PTK2: variants seen among roughly 807,000 people sequenced by gnomAD.
The protein encoded by PTK2 is focal adhesion kinase 1.
PTK2 carries 45 observed loss-of-function variants against 150.1 expected under a neutral mutation model. The observed-to-expected ratio is 0.30, with a 90% CI of 0.24 to 0.38. The LOEUF (loss-of-function observed/expected upper bound fraction) is 0.38, where lower values mean the gene tolerates loss of function less well. Among genes scored for constraint, PTK2 ranks in the 10% least tolerant of loss-of-function variants. The pLI, the probability that PTK2 is intolerant of heterozygous loss-of-function variation, is 1.00. For missense variants in PTK2, 919 were observed against 1,307.3 expected (o/e 0.70, Z 4.58); for synonymous variants, 432 against 449.2 (o/e 0.96, Z 0.48).
intron 14 of PTK2, among the ~76,000 whole-genome samples, chr8:140,770,400 C>G (rs1408134858): frequency 6.6e-6 from 1 of 152,134 alleles, no homozygotes. Context: ...AAAGTGTGAT[C>G]CTGCTGACCT....
At chr8:140,739,221 A>T (rs976385941) in intron 20 of PTK2, 114 bp from the exon 24 acceptor site, 6 of 586,194 alleles carry the variant, frequency 1.0e-5, no homozygotes, top group Non-Finnish European at 1.6e-5. Context: ...TGAACCCTTG[A>T]GGCTTCCATT....
intron 22 of PTK2, among the ~76,000 whole-genome samples, chr8:140,726,350 G>C (rs1157183145): frequency 6.6e-6 from 1 of 152,088 alleles, no homozygotes; most frequent in Non-Finnish European, 1.5e-5. Flanking sequence ...TGTATCTGAA[G>C]AAACAATGAT....
At chr8:140,686,769 C>T in intron 26 of PTK2, 75 bp from the exon 30 acceptor site, 1 of 1,287,666 alleles carries the variant, frequency 7.8e-7, no homozygotes, top group Non-Finnish European at 1.1e-6. Context: ...GTATTAAATT[C>T]CTTCCTTTTT....
At chr8:140,920,998 A>T in intron 2 of PTK2, 1 of 1,302,290 alleles carries the variant, frequency 7.7e-7, no homozygotes, top group Non-Finnish European at 9.7e-7. Flanking sequence ...TCGATCCACA[A>T]GCAAGACTAA....
chr8:140,960,005 ACT>A (rs1363542563), intron 1 of PTK2, among the ~76,000 whole-genome samples: 2 of 150,468 alleles, frequency 1.3e-5, no homozygotes, highest in Non-Finnish European at 3.0e-5. Context: ...AAACAGTGAG[ACT>A]CTGTCTCAAA....
intron 10 of PTK2, among the ~76,000 whole-genome samples, chr8:140,809,854 G>A (rs770352948): frequency 6.6e-5 from 10 of 152,138 alleles, no homozygotes; most frequent in South Asian, 2.1e-4. Flanking sequence ...AACACCTGCC[G>A]TTTAAAAAGG....
At chr8:140,922,942 G>C (rs1490493618) in intron 2 of PTK2, among the ~76,000 whole-genome samples, 2 of 152,164 alleles carry the variant, frequency 1.3e-5, no homozygotes, top group Non-Finnish European at 2.9e-5. Flanking sequence ...TGTAAGCACA[G>C]GGTGGTGGTG....
At chr8:140,879,592 C>T in exon 4 of PTK2, 1 of 1,505,196 alleles carries the variant, frequency 6.6e-7, no homozygotes, top group South Asian at 1.1e-5. Context: ...CCATAGCAGG[C>T]CACATGCTTT....
intron 4 of PTK2, among the ~76,000 whole-genome samples, chr8:140,867,701 G>C (rs2100140161): frequency 6.6e-6 from 1 of 152,144 alleles, no homozygotes; most frequent in Non-Finnish European, 1.5e-5. Flanking sequence ...GTGACACGTA[G>C]TTTACCTATG....
chr8:140,761,914 T>A (rs2100069641), intron 15 of PTK2, among the ~76,000 whole-genome samples: 1 of 152,118 alleles, frequency 6.6e-6, no homozygotes, highest in Non-Finnish European at 1.5e-5. Flanking sequence ...TGCCTCAAAT[T>A]AATATACTGT....
chr8:140,827,981 A>G (rs532220339), intron 8 of PTK2, among the ~76,000 whole-genome samples: 2 of 152,288 alleles, frequency 1.3e-5, no homozygotes, highest in Admixed American at 1.3e-4. Context: ...AGCCCAACCA[A>G]CACAGTGAAA....
chr8:140,943,229 C>A (rs952072610), intron 1 of PTK2, among the ~76,000 whole-genome samples: 10 of 152,158 alleles, frequency 6.6e-5, no homozygotes, highest in African/African-American at 2.2e-4. Context: ...CCAAGAAGTG[C>A]CCCCATGCTC....
chr8:140,862,534 C>A (rs755500498), intron 5 of PTK2, among the ~76,000 whole-genome samples: 6 of 152,246 alleles, frequency 3.9e-5, no homozygotes, highest in African/African-American at 1.4e-4. Flanking sequence ...TTATCGTAAA[C>A]CCTCAAAACT....
At chr8:140,856,946 C>T (rs1390880325) in intron 5 of PTK2, among the ~76,000 whole-genome samples, 1 of 152,108 alleles carries the variant, frequency 6.6e-6, no homozygotes, top group Admixed American at 6.6e-5. Context: ...GCATAACAAA[C>T]GTTAATGGTA....
intron 3 of PTK2, among the ~76,000 whole-genome samples, chr8:140,884,215 T>C (rs1446424164): frequency 2.6e-5 from 4 of 152,142 alleles, no homozygotes; most frequent in Non-Finnish European, 5.9e-5. Context: ...ATTCTACCTA[T>C]GGGAAATCAC....
At chr8:140,922,761 A>G (rs923457141) in intron 2 of PTK2, among the ~76,000 whole-genome samples, 1 of 152,206 alleles carries the variant, frequency 6.6e-6, no homozygotes, top group Non-Finnish European at 1.5e-5. Context: ...TGAGAGCACT[A>G]AGACTAAAGA....
At chr8:140,927,006 G>A (rs2100169699) in intron 1 of PTK2, among the ~76,000 whole-genome samples, 1 of 152,184 alleles carries the variant, frequency 6.6e-6, no homozygotes, top group Admixed American at 6.5e-5. Context: ...GTTAACTGCT[G>A]TAATTGCTTT....
At chr8:140,823,882 C>T (rs1053949818) in intron 8 of PTK2, among the ~76,000 whole-genome samples, 1 of 152,192 alleles carries the variant, frequency 6.6e-6, no homozygotes, top group Non-Finnish European at 1.5e-5. Context: ...GTAGCTAAGT[C>T]CTGTTAGACT....
chr8:140,784,860 A>G (rs1451500598), intron 14 of PTK2, among the ~76,000 whole-genome samples: 1 of 152,244 alleles, frequency 6.6e-6, no homozygotes, highest in African/African-American at 2.4e-5. Context: ...TTTCAAAGAT[A>G]CACTGTTCAT....
Sources: allele counts gnomAD v4.1 joint callset (sites outside exome capture counted in the v4.1 genomes callset), GRCh38; gene constraint gnomAD v4.1.1; transcripts MANE v1.5; gene names NCBI Gene and HGNC (gene_info 2026-07-23, HGNC 2026-07-21).